The following FANCI variants were observed in gnomAD, a reference collection of about 807,000 sequenced individuals.
FANCI encodes FA complementation group I.
FANCI carries 156 observed loss-of-function variants against 176.1 expected under a neutral mutation model. The ratio of observed to expected loss-of-function variants is 0.89; its 90% CI spans 0.78 to 1.01. The LOEUF is 1.01. Among genes scored for constraint, FANCI ranks in the 50% least tolerant of loss-of-function variants. The pLI is 0.00. For missense variants in FANCI, 1,678 were observed against 1,534.1 expected (o/e 1.09, Z -1.57); for synonymous variants, 613 against 541.7 (o/e 1.13, Z -1.83).
Position 89,316,639 on chromosome 15 carries a change from G to A in FANCI, c.*180G>A. Reference sequence around the variant, plus strand: ...TGGCAGGTCCTGCTACTGAAAAATGGCTGGCCTTAGGCAAGCCCTTTTGCA... The same window carrying A: ...TGGCAGGTCCTGCTACTGAAAAATGACTGGCCTTAGGCAAGCCCTTTTGCA... On this transcript the variant is annotated 3_prime_UTR_variant, in exon 38 of 38. Transcript: ENST00000310775. 8.6e-7 allele frequency: 1 copy of A among 1,160,248 alleles called. No individual in the cohort carries two copies. Among genetic ancestry groups the A allele is most frequent in the Non-Finnish European group, 1.3e-6 (1 of 773,964 alleles). The allele number at this position is 1,160,248 out of a possible 1,614,324, so 71.9% of individuals were successfully genotyped here.
rs1432666366 is a variant in FANCI, at chr15:89,290,244, A to G, written c.1853A>G (p.Gln618Arg). ...GFYDVLRRNS[Q>R]LANSVMQTLL... is the part of the protein sequence containing the mutation. Reference sequence around the variant, plus strand: ...TATGATGTTCTTCGAAGGAACTCTCAGCTGGCTAATTCAGTCATGCAAACT... The same window carrying G: ...TATGATGTTCTTCGAAGGAACTCTCGGCTGGCTAATTCAGTCATGCAAACT... The change falls in exon 19 of 38, where the codon CAG becomes CGG. Residue 618 changes from glutamine to arginine, a missense_variant. Coordinates refer to ENST00000310775, the MANE Select transcript of FANCI (RefSeq NM_001113378.2). 4 of 1,613,966 alleles carry G rather than the reference A, an allele frequency of 2.5e-6. No individual in the cohort carries two copies. In the Admixed American group the frequency reaches 6.7e-5, roughly 27 times the overall value.
intron 2 of FANCI, among the ~76,000 whole-genome samples, chr15:89,252,720 C>G (rs1352126735): frequency 1.3e-5 from 2 of 152,058 alleles, no homozygotes; most frequent in Non-Finnish European, 2.9e-5. Flanking sequence ...AGCCTGGGCC[C>G]CATTTACAAT....
chr15:89,305,682 C>T lies in FANCI; in HGVS notation c.3333C>T (p.Ser1111=), dbSNP rs2054691377. 1.9e-6 allele frequency: 3 copies of T among 1,614,060 alleles called. No individual in the cohort carries two copies. The East Asian group carries it at 6.7e-5, about 36-fold the overall frequency. ...WLITKLKGQV[S]QETLSEEASS... ...TCACCAAGCTTAAGGGACAAGTGAG[C>T]CAAGAAACCTTATCAGGTAAGATAA... The change falls in exon 31 of 38, where the codon AGC becomes AGT. Residue 1111 remains serine (S), a synonymous_variant. Transcript: ENST00000310775.
chr15:89,298,465 A>G (rs998712949), intron 24 of FANCI, among the ~76,000 whole-genome samples: 2 of 152,240 alleles, frequency 1.3e-5, no homozygotes. Context: ...ATGTCAAAAG[A>G]TATGATCCAG....
At chr15:89,315,892 T>C (rs2055224186) in intron 37 of FANCI, among the ~76,000 whole-genome samples, 1 of 152,230 alleles carries the variant, frequency 6.6e-6, no homozygotes, top group Admixed American at 6.5e-5. Flanking sequence ...GAACCCAATG[T>C]TTCCTTACTT....
Position 89,312,901 on chromosome 15 carries a change from T to C in FANCI, c.3652-3T>C. ...ATAAGAGAATGTGTTTCTATTTCTTTAGAATAAGAGTAAGAGCCTGAACTA... is the reference window on the plus strand; with the variant it reads ...ATAAGAGAATGTGTTTCTATTTCTTCAGAATAAGAGTAAGAGCCTGAACTA... On this transcript the variant is annotated splice_region_variant and splice_polypyrimidine_tract_variant and intron_variant, in intron 34 of 37. Transcript: ENST00000310775. 6.2e-7 allele frequency: 1 copy of C among 1,611,224 alleles called. No homozygotes were observed.
chr15:89,309,704 G>A (rs920054933), intron 34 of FANCI, among the ~76,000 whole-genome samples: 7 of 152,194 alleles, frequency 4.6e-5, no homozygotes, highest in Non-Finnish European at 7.3e-5. Flanking sequence ...AGGCAACAGC[G>A]TGAGACCCTG....
At chr15:89,269,808 CTTTGA>C (rs2053129503) in intron 10 of FANCI, among the ~76,000 whole-genome samples, 1 of 151,586 alleles carries the variant, frequency 6.6e-6, no homozygotes, top group South Asian at 2.1e-4. Flanking sequence ...ATTATTCTTC[CTTTGA>C]TTTGTTTTTT....
rs764614645 is a variant in FANCI at position 89,281,735 on chromosome 15, TTC to T, written c.1513-28_1513-27del. 3.7e-6 allele frequency: 6 copies of T among 1,607,882 alleles called. No homozygotes were observed. The African/African-American group carries it at 5.3e-5, about 14-fold the overall frequency. On this transcript the variant is annotated intron_variant, in intron 15 of 37. Coordinates refer to ENST00000310775, the MANE Select transcript of FANCI (RefSeq NM_001113378.2). The stretch of plus-strand genomic sequence containing the variant: ...GACCTAAGGCTAATAAGCAAACTTG[TTC>T]TGTTTTTACCCACTGATTCTTTTTC...
chr15:89,294,967 G>A lies in FANCI; in HGVS notation c.2509G>A (p.Glu837Lys), dbSNP rs748000458. The A allele has an allele frequency of 1.9e-6, 3 of 1,552,304 alleles. No individual in the cohort carries two copies. Among genetic ancestry groups the A allele is most frequent in the East Asian group, 4.9e-5 (2 of 40,924 alleles). ...ESLSVLRSSN[E>K]FMRYAVNVAL... Reference sequence around the variant, plus strand: ...CCTTTCTGTTCTCAGGTCCAGCAATGAGTTTATGCGCTATGCAGTGAATGT... The same window carrying A: ...CCTTTCTGTTCTCAGGTCCAGCAATAAGTTTATGCGCTATGCAGTGAATGT... Residue 837 changes from glutamate (E) to lysine (K), a missense_variant, in exon 24 of 38, where the codon GAG (glutamate) becomes AAG (lysine). Physicochemically the swap from Glu to Lys is moderately conservative, Grantham distance 56. Around this residue, in one of 3 missense-constraint regions of FANCI, gnomAD observed 1,204 missense variants for 1,077.4 expected, o/e 1.12. Transcript: ENST00000310775.
intron 1 of FANCI, among the ~76,000 whole-genome samples, chr15:89,245,567 A>G (rs747136593): frequency 2.6e-5 from 4 of 151,616 alleles, no homozygotes; most frequent in Non-Finnish European, 5.9e-5. Flanking sequence ...GTAATAAAAG[A>G]TTGGGGGGCA....
chr15:89,295,047 TG>T lies in FANCI; in HGVS notation c.2591del (p.Gly864AlafsTer14), dbSNP rs1567166504. On this transcript the variant is annotated frameshift_variant, in exon 24 of 38. Transcript: ENST00000310775. LOFTEE classifies it high-confidence loss of function. ...KETGHVSGPD[G>X]QNPEKIFQNL... is the part of the protein sequence containing the mutation. The stretch of plus-strand genomic sequence containing the variant: ...AAACAGGGCATGTGAGTGGCCCTGA[TG>T]GCCAAAACCCAGAAAAGATCTTTCA... 1.3e-6 allele frequency: 2 copies of T among 1,552,126 alleles called. No homozygotes were observed. The highest frequency in any genetic ancestry group is 1.7e-6 in the Non-Finnish European group (2 of 1,147,106).
At chr15:89,299,558 A>C (rs936922087) in intron 24 of FANCI, among the ~76,000 whole-genome samples, 1 of 152,226 alleles carries the variant, frequency 6.6e-6, no homozygotes, top group Non-Finnish European at 1.5e-5. Flanking sequence ...GTAGAAAGTA[A>C]AACCATAGGG....
In FANCI at chr15:89,285,180, T is replaced by G. The variant is rs957508191; in HGVS notation, c.1783T>G (p.Leu595Val). ...GATCATGGATAGTTTGAGGAGATGCTTAAGCCAGCAAGCTGATGTTCGACT... is the reference window on the plus strand; with the variant it reads ...GATCATGGATAGTTTGAGGAGATGCGTAAGCCAGCAAGCTGATGTTCGACT... The part of the protein sequence containing the change: ...LEIMDSLRRC[L>V]SQQADVRLML... The change falls in exon 18 of 38, where the codon TTA (leucine) becomes GTA (valine). Residue 595 changes from leucine (L) to valine (V), a missense_variant. Leu to Val is a conservative substitution (Grantham distance 32). This residue lies in a region of FANCI where 1,204 missense variants were observed against 1,077.4 expected (regional missense o/e 1.12). Coordinates refer to ENST00000310775, the MANE Select transcript of FANCI (RefSeq NM_001113378.2). 5 of 1,614,102 alleles carry G rather than the reference T, an allele frequency of 3.1e-6. No individual in the cohort carries two copies. The African/African-American group carries it at 6.7e-5, about 22-fold the overall frequency.
chr15:89,302,569 A>T (rs1470269782), intron 27 of FANCI, among the ~76,000 whole-genome samples: 1 of 151,510 alleles, frequency 6.6e-6, no homozygotes, highest in Non-Finnish European at 1.5e-5. Context: ...TAGTCTCTTT[A>T]AAAAAAAATT....
chr15:89,269,474 T>C (rs2053115013), intron 10 of FANCI, among the ~76,000 whole-genome samples: 1 of 152,170 alleles, frequency 6.6e-6, no homozygotes. Context: ...TTCTTTCTAG[T>C]TTTAGACTGA....
rs1335704587 is a variant in FANCI, at chr15:89,316,394, T to C, written c.3925-3T>C. ...TTAGAGCATTAATTCTTTCCCCTTC[T>C]AGGGCACTGCATCAGAGCATGGGGG... On this transcript the variant is annotated splice_region_variant and splice_polypyrimidine_tract_variant and intron_variant, in intron 37 of 37. Transcript: ENST00000310775. 3 of 1,611,336 alleles carry C rather than the reference T, an allele frequency of 1.9e-6. No homozygotes were observed. The highest frequency in any genetic ancestry group is 2.2e-5 in the East Asian group (1 of 44,806).
chr15:89,290,529 C>T (rs2054021039), intron 19 of FANCI: 5 of 485,586 alleles, frequency 1.0e-5, no homozygotes, highest in East Asian at 7.3e-5. Flanking sequence ...GTCAGAAGGA[C>T]ATTTTGAAGA....
Position 89,283,260 on chromosome 15 carries a change from A to G in FANCI, c.1698+10A>G, listed in dbSNP as rs368578494. The G allele has an allele frequency of 6.2e-7, 1 of 1,613,176 alleles. No homozygotes were observed. The highest frequency in any genetic ancestry group is 1.7e-5 in the Admixed American group (1 of 60,002). On this transcript the variant is annotated intron_variant, in intron 17 of 37. Coordinates refer to ENST00000310775, the MANE Select transcript of FANCI (RefSeq NM_001113378.2). ...TCTCAGTGTCAGTCAGGTAAGGATTATTTACGTTAACTTGCAGTGTGTGCG... is the reference window on the plus strand; with the variant it reads ...TCTCAGTGTCAGTCAGGTAAGGATTGTTTACGTTAACTTGCAGTGTGTGCG...
Sources: allele counts gnomAD v4.1 joint callset (sites outside exome capture counted in the v4.1 genomes callset), GRCh38; gene constraint gnomAD v4.1.1; regional missense constraint gnomAD v4.1.1; transcripts MANE v1.5; gene names NCBI Gene and HGNC (gene_info 2026-07-23, HGNC 2026-07-21).